The following KIRREL3 variants were observed in gnomAD, a reference collection of about 807,000 sequenced individuals.
KIRREL3 encodes kirre like nephrin family adhesion molecule 3.
KIRREL3 carries 36 observed loss-of-function variants against 89.7 expected under a neutral mutation model. The observed-to-expected ratio is 0.40, with a 90% CI of 0.31 to 0.53. The LOEUF is 0.53. Ranked by LOEUF, KIRREL3 falls within the 20% of genes least tolerant of loss-of-function variation. The probability of loss-of-function intolerance (pLI) is 0.49; values close to 1 mark genes in which losing one functional copy is unlikely to be tolerated. For missense variants in KIRREL3, 864 were observed against 1,056.6 expected (o/e 0.82, Z 2.53); for synonymous variants, 445 against 441.4 (o/e 1.01, Z -0.10).
chr11:126,804,327 C>T (rs550625089), intron 1 of KIRREL3, among the ~76,000 whole-genome samples: 12 of 152,212 alleles, frequency 7.9e-5, no homozygotes, highest in South Asian at 2.1e-4. Flanking sequence ...CTGGCAGAGG[C>T]GAGAGTGGAG....
rs547319366 is a variant in KIRREL3, at chr11:126,987,773, C to A, written c.55+12682G>T. ...ATTGCTCTGATTCGATCTAAAGGAGCTTTGAAAACGTCAAAGAACTTTCAT... is the reference window on the plus strand; with the variant it reads ...ATTGCTCTGATTCGATCTAAAGGAGATTTGAAAACGTCAAAGAACTTTCAT... On this transcript the variant is annotated intron_variant, in intron 1 of 16. Transcript: ENST00000525144. This position sits in a 1 kb window ranked among gnomAD's most constrained non-coding sequence, Gnocchi z 4.6. Among the ~76,000 whole-genome samples the A allele has an allele frequency of 2.0e-5, 3 of 152,290 alleles. No homozygotes were observed. In the East Asian group the frequency reaches 5.8e-4, roughly 29 times the overall value.
At chr11:126,850,266 C>T (rs1415618552) in intron 1 of KIRREL3, among the ~76,000 whole-genome samples, 4 of 152,222 alleles carry the variant, frequency 2.6e-5, no homozygotes, top group Admixed American at 6.5e-5. Context: ...TTATTAACTT[C>T]CCTTTTCACA....
At chr11:126,806,714 C>T (rs191285400) in intron 1 of KIRREL3, among the ~76,000 whole-genome samples, 396 of 152,166 alleles carry the variant, frequency 2.6e-3, no homozygotes, top group Admixed American at 6.0e-3. Context: ...ATGTGTAGAA[C>T]GTGCAGATTT....
intron 1 of KIRREL3, among the ~76,000 whole-genome samples, chr11:126,695,798 T>C (rs975103185): frequency 2.6e-5 from 4 of 152,164 alleles, no homozygotes; most frequent in African/African-American, 9.7e-5. Flanking sequence ...AGAATCTTCC[T>C]TTTCCCATGA....
chr11:126,689,492 T>C lies in KIRREL3; in HGVS notation c.56-126580A>G, dbSNP rs1374828406. Among the ~76,000 whole-genome samples the C allele has an allele frequency of 6.6e-6, 1 of 152,220 alleles. No individual in the cohort carries two copies. Among genetic ancestry groups the C allele is most frequent in the Non-Finnish European group, 1.5e-5 (1 of 68,032 alleles). Reference sequence around the variant, plus strand: ...TGCAAGCTCCAAAGAGGAGGTCTCCTATGCACCCGAGGAGGATGAGTCTTC... The same window carrying C: ...TGCAAGCTCCAAAGAGGAGGTCTCCCATGCACCCGAGGAGGATGAGTCTTC... On this transcript the variant is annotated intron_variant, in intron 1 of 16. Coordinates refer to ENST00000525144, the MANE Select transcript of KIRREL3 (RefSeq NM_032531.4). This position sits in a 1 kb window ranked among gnomAD's most constrained non-coding sequence, Gnocchi z 5.2.
chr11:126,998,968 A>G (rs1950248101), intron 1 of KIRREL3, among the ~76,000 whole-genome samples: 1 of 144,064 alleles, frequency 6.9e-6, no homozygotes, highest in African/African-American at 2.6e-5. Context: ...CTCATAAGCA[A>G]GCACATACAC....
At chr11:126,949,392 GC>G (rs1948713086) in intron 1 of KIRREL3, among the ~76,000 whole-genome samples, 1 of 152,150 alleles carries the variant, frequency 6.6e-6, no homozygotes, top group Admixed American at 6.5e-5. Context: ...TGATTAGTAG[GC>G]TTTGGACCCT....
At chr11:126,942,028 T>G (rs1183526620) in intron 1 of KIRREL3, among the ~76,000 whole-genome samples, 1 of 152,142 alleles carries the variant, frequency 6.6e-6, no homozygotes, top group Admixed American at 6.5e-5. Flanking sequence ...GCTCTGTCAT[T>G]TTCCAGTGGT....
In KIRREL3 at chr11:126,844,386, T is replaced by A. The variant is rs1280189190; in HGVS notation, c.55+156069A>T. Among the ~76,000 whole-genome samples, 3 of 152,120 alleles carry A rather than the reference T, an allele frequency of 2.0e-5. No individual in the cohort carries two copies. The highest frequency in any genetic ancestry group is 4.4e-5 in the Non-Finnish European group (3 of 68,020). On this transcript the variant is annotated intron_variant, in intron 1 of 16. Transcript: ENST00000525144. This position sits in a 1 kb window ranked among gnomAD's most constrained non-coding sequence, Gnocchi z 4.8. ...GGGTAAGCAGTGTGGTGTGGTAACA[T>A]CTTTCTGGCAAACCATGGAAGGGAC...
intron 1 of KIRREL3, among the ~76,000 whole-genome samples, chr11:126,945,867 T>G (rs1948607585): frequency 1.3e-5 from 2 of 152,230 alleles, no homozygotes; most frequent in Non-Finnish European, 2.9e-5. Flanking sequence ...ATTGGTGTTG[T>G]AGTCATCACT....
intron 1 of KIRREL3, among the ~76,000 whole-genome samples, chr11:126,829,619 T>C (rs1943536507): frequency 1.3e-5 from 2 of 152,210 alleles, no homozygotes; most frequent in East Asian, 1.9e-4. Flanking sequence ...AATGCTCATG[T>C]GTTCATTTAC....
At chr11:126,690,362 G>GTT (rs397798500) in intron 1 of KIRREL3, among the ~76,000 whole-genome samples, 3,576 of 149,566 alleles carry the variant, frequency 0.024, 142 homozygotes, top group African/African-American at 0.083. Context: ...CTAAGCAGGG[G>GTT]TTTTTTTTTT....
At chr11:126,638,350 G>A (rs141471959) in intron 1 of KIRREL3, among the ~76,000 whole-genome samples, 369 of 152,228 alleles carry the variant, frequency 2.4e-3, no homozygotes, top group African/African-American at 8.4e-3. Flanking sequence ...TTGGAAAAAC[G>A]TACTTGTCTG....
Position 126,489,177 on chromosome 11 carries a change from C to T in KIRREL3, c.434-15711G>A, listed in dbSNP as rs373241594. Among the ~76,000 whole-genome samples, 35 of 152,162 alleles carry T rather than the reference C, an allele frequency of 2.3e-4. No individual in the cohort carries two copies. The highest frequency in any genetic ancestry group is 4.4e-4 in the Non-Finnish European group (30 of 68,022). ...GCAGGACGGAAGCTGTAGATGGATG[C>T]GCTGCGTTTGCGGTGGAGAGCCGGC... On this transcript the variant is annotated intron_variant, in intron 4 of 16. Transcript: ENST00000525144. This position sits in a 1 kb window ranked among gnomAD's most constrained non-coding sequence, Gnocchi z 5.5.
At chr11:126,800,367 A>G (rs914024542) in intron 1 of KIRREL3, among the ~76,000 whole-genome samples, 6 of 152,298 alleles carry the variant, frequency 3.9e-5, no homozygotes, top group African/African-American at 9.6e-5. Context: ...GGTTCTCACA[A>G]TAAAGCTGGA....
chr11:126,811,950 A>T lies in KIRREL3; in HGVS notation c.55+188505T>A, dbSNP rs945831171. On this transcript the variant is annotated intron_variant, in intron 1 of 16. Transcript: ENST00000525144. The surrounding 1 kb of genome is among the most constrained non-coding windows in gnomAD (Gnocchi z 4.3). ...AACATTAATTTACAGTCAAGAGACA[A>T]TCTCTGAATTCAGCCCTCCCCGTCC... Among the ~76,000 whole-genome samples, 4 of 152,218 alleles carry T rather than the reference A, an allele frequency of 2.6e-5. No homozygotes were observed. Among genetic ancestry groups the T allele is most frequent in the Non-Finnish European group, 5.9e-5 (4 of 68,044 alleles).
rs1324318419 is a variant in KIRREL3, at chr11:126,526,692, G to A, written c.134-5C>T. The A allele has an allele frequency of 6.4e-7, 1 of 1,557,400 alleles. No individual in the cohort carries two copies. The highest frequency in any genetic ancestry group is 1.9e-5 in the Admixed American group (1 of 51,604). ...GGCTGAAGGAATAGACTTGGCCTGGGAAGGAGACAAACACAATGGTCAGTT... is the reference window on the plus strand; with the variant it reads ...GGCTGAAGGAATAGACTTGGCCTGGAAAGGAGACAAACACAATGGTCAGTT... On this transcript the variant is annotated splice_polypyrimidine_tract_variant and splice_region_variant and intron_variant, in intron 2 of 16. Transcript: ENST00000525144. This position sits in a 1 kb window ranked among gnomAD's most constrained non-coding sequence, Gnocchi z 5.7.
intron 7 of KIRREL3, among the ~76,000 whole-genome samples, chr11:126,450,727 A>T (rs565464375): frequency 1.0e-5 from 1 of 98,566 alleles, no homozygotes; most frequent in Non-Finnish European, 1.9e-5. Context: ...GCATGTGTGA[A>T]TGTGGGCATG....
In KIRREL3 at chr11:126,442,313, AACACACACAC is replaced by A. The variant is rs71984147; in HGVS notation, c.1253-1774_1253-1765del. On this transcript the variant is annotated intron_variant, in intron 10 of 16. Coordinates refer to ENST00000525144, the MANE Select transcript of KIRREL3 (RefSeq NM_032531.4). ...AAACCCAACATGCACAGACACACAA[AACACACACAC>A]ACACACACACACACACACACACACA... Among the ~76,000 whole-genome samples the A allele has an allele frequency of 2.4e-3, 330 of 136,520 alleles. 2 individuals are homozygous for A. Among genetic ancestry groups the A allele is most frequent in the African/African-American group, 4.2e-3 (152 of 36,450 alleles). 89.6% of individuals were successfully genotyped at this position (136,520 alleles called of 152,430 possible).
Sources: allele counts gnomAD v4.1 joint callset (sites outside exome capture counted in the v4.1 genomes callset), GRCh38; gene constraint gnomAD v4.1.1; non-coding constraint Gnocchi (gnomAD v3.1); transcripts MANE v1.5; gene names NCBI Gene and HGNC (gene_info 2026-07-23, HGNC 2026-07-21).